IDO2: variants seen among roughly 807,000 people sequenced by gnomAD.
The protein encoded by IDO2 is indoleamine 2,3-dioxygenase 2.
A neutral mutation model predicts 45.1 loss-of-function variants in IDO2; 46 were observed. The observed-to-expected ratio is 1.02, with a 90% CI of 0.80 to 1.30. The LOEUF (loss-of-function observed/expected upper bound fraction) is 1.30. IDO2 is among the 50% of genes most tolerant of loss of function. The pLI is 0.00. For missense variants in IDO2, 544 were observed against 491.8 expected (o/e 1.11, Z -1.00); for synonymous variants, 218 against 184.9 (o/e 1.18, Z -1.45).
chr8:39,943,450 A>G (rs900350372), intron 1 of IDO2, among the ~76,000 whole-genome samples: 7 of 152,040 alleles, frequency 4.6e-5, no homozygotes, highest in Non-Finnish European at 5.9e-5. Context: ...TAAGAAACCT[A>G]TAGCTGGCCG....
At chr8:39,968,888 T>TAA (rs753978365) in intron 3 of IDO2, among the ~76,000 whole-genome samples, 26 of 130,756 alleles carry the variant, frequency 2.0e-4, no homozygotes, top group African/African-American at 3.2e-4. Context: ...TTTAAAAAAG[T>TAA]AAAAAAAAAA....
intron 3 of IDO2, among the ~76,000 whole-genome samples, chr8:39,971,231 C>T (rs1175460784): frequency 6.6e-6 from 1 of 152,112 alleles, no homozygotes; most frequent in Non-Finnish European, 1.5e-5. Context: ...TCTGCCTGTG[C>T]TCTGTAAACG....
intron 3 of IDO2, among the ~76,000 whole-genome samples, chr8:39,967,369 T>A (rs183808011): frequency 1.3e-5 from 2 of 152,172 alleles, no homozygotes; most frequent in East Asian, 3.9e-4. Context: ...TCAGATAAAA[T>A]TGTGAATTTT....
chr8:39,979,108 G>A, exon 4 of IDO2: 4 of 1,601,270 alleles, frequency 2.5e-6, no homozygotes, highest in Non-Finnish European at 3.4e-6. Flanking sequence ...GTCACCGGGA[G>A]CAGCGCCTGG....
intron 2 of IDO2, among the ~76,000 whole-genome samples, chr8:39,960,917 G>A (rs1487244121): frequency 6.6e-6 from 1 of 152,122 alleles, no homozygotes; most frequent in African/African-American, 2.4e-5. Flanking sequence ...CGAGTAGCTG[G>A]GACTACAGGT....
At chr8:39,971,780 G>C (rs1808183368) in intron 3 of IDO2, among the ~76,000 whole-genome samples, 1 of 151,982 alleles carries the variant, frequency 6.6e-6, no homozygotes, top group Non-Finnish European at 1.5e-5. Flanking sequence ...TTTTATAACT[G>C]AGTTGCTGCA....
At chr8:39,958,370 G>GT (rs1337458915) in intron 2 of IDO2, among the ~76,000 whole-genome samples, 1 of 151,410 alleles carries the variant, frequency 6.6e-6, no homozygotes, top group Non-Finnish European at 1.5e-5. Context: ...AACAGCTGGG[G>GT]TTACAGATGC....
chr8:39,989,626 G>A (rs1170388708), intron 7 of IDO2, 95 bp from the exon 8 acceptor site: 8 of 847,032 alleles, frequency 9.4e-6, no homozygotes, highest in South Asian at 3.5e-5. Context: ...CAAACTGTCC[G>A]GTCCTCCCCT....
At chr8:39,944,668 C>T (rs62513107) in intron 1 of IDO2, among the ~76,000 whole-genome samples, 29,889 of 152,034 alleles carry the variant, frequency 0.2, 3,185 homozygotes, top group South Asian at 0.32. Flanking sequence ...GTCTTAAAGC[C>T]CCTGCACCTG....
rs372332322 is a variant in IDO2, at chr8:39,985,482, G to T, written c.435-26G>T. On this transcript the variant is annotated intron_variant, in intron 5 of 10. Transcript: ENST00000502986. Reference sequence around the variant, plus strand: ...CTTTTATTTTTTTTCTCTCTTGGTGGTCATCAATAACTGAAATTGGGCTAG... The same window carrying T: ...CTTTTATTTTTTTTCTCTCTTGGTGTTCATCAATAACTGAAATTGGGCTAG... 3.9e-6 allele frequency: 6 copies of T among 1,552,006 alleles called. No individual in the cohort carries two copies. The African/African-American group carries it at 5.5e-5, about 14-fold the overall frequency.
intron 7 of IDO2, 62 bp downstream of exon 7, chr8:39,988,032 A>C (rs1343829850): frequency 7.5e-6 from 7 of 932,812 alleles, no homozygotes; most frequent in Non-Finnish European, 1.2e-5. Flanking sequence ...CTTCCCACTC[A>C]GTGCCTTTCC....
At chr8:39,937,023 C>A (rs778005788) in intron 1 of IDO2, among the ~76,000 whole-genome samples, 79 of 152,208 alleles carry the variant, frequency 5.2e-4, no homozygotes, top group Non-Finnish European at 9.0e-4. Context: ...ATCTTCCCTG[C>A]AATAGATACC....
intron 2 of IDO2, among the ~76,000 whole-genome samples, chr8:39,954,934 G>A (rs1251593296): frequency 1.3e-5 from 2 of 151,648 alleles, no homozygotes; most frequent in Non-Finnish European, 2.9e-5. Flanking sequence ...TAGGATTACA[G>A]GCATAAGCTA....
At chr8:39,977,906 G>A (rs192830791) in intron 3 of IDO2, among the ~76,000 whole-genome samples, 109 of 152,190 alleles carry the variant, frequency 7.2e-4, no homozygotes, top group African/African-American at 2.4e-3. Flanking sequence ...CAGAGTAAAC[G>A]GAGTGTTTGT....
chr8:39,984,955 G>A (rs1243033260), intron 5 of IDO2: 13 of 419,560 alleles, frequency 3.1e-5, no homozygotes, highest in Non-Finnish European at 5.6e-5. Flanking sequence ...TTTCAGAGAC[G>A]GAGTCTCCCT....
chr8:39,936,604 A>G (rs1807555649), intron 1 of IDO2, among the ~76,000 whole-genome samples: 1 of 152,214 alleles, frequency 6.6e-6, no homozygotes, highest in Admixed American at 6.5e-5. Context: ...AGGGAAAGAC[A>G]ATTGCAGTAA....
At chr8:39,945,029 A>C (rs1158341335) in intron 1 of IDO2, among the ~76,000 whole-genome samples, 1 of 152,226 alleles carries the variant, frequency 6.6e-6, no homozygotes, top group Non-Finnish European at 1.5e-5. Context: ...TAATTAATAG[A>C]GTGAAACTGG....
intron 1 of IDO2, among the ~76,000 whole-genome samples, chr8:39,938,278 A>G (rs1473788481): frequency 2.1e-5 from 2 of 96,326 alleles, no homozygotes; most frequent in African/African-American, 4.2e-5. Flanking sequence ...CTCTATCTCT[A>G]CAAAAAATTC....
chr8:39,945,087 A>G (rs1453167741), intron 1 of IDO2, among the ~76,000 whole-genome samples: 2 of 152,248 alleles, frequency 1.3e-5, no homozygotes, highest in East Asian at 1.9e-4. Context: ...TAACTGAAGA[A>G]TGACAAAGTT....
Sources: gnomAD v4.1 joint callset for allele counts (sites outside exome capture counted in the v4.1 genomes callset) on GRCh38, gnomAD v4.1.1 for gene constraint, MANE v1.5 for transcripts, NCBI Gene and HGNC (gene_info 2026-07-23, HGNC 2026-07-21) for gene names.